CADPS: variants seen among roughly 807,000 people sequenced by gnomAD.
CADPS encodes the protein calcium dependent secretion activator, also known as calcium-dependent secretion activator 1.
In CADPS, 57 loss-of-function variants were observed where a neutral mutation model predicts 167.3. The ratio of observed to expected loss-of-function variants is 0.34; its 90% confidence interval spans 0.28 to 0.42. The LOEUF (loss-of-function observed/expected upper bound fraction) is 0.42. CADPS is among the 20% of genes least tolerant of loss of function. The probability of loss-of-function intolerance (pLI) is 1.00; values close to 1 mark genes in which losing one functional copy is unlikely to be tolerated. For synonymous variants in CADPS, 676 were observed against 635.3 expected (o/e 1.06, Z -0.96); for missense variants, 1,414 against 1,738.1 (o/e 0.81, Z 3.32).
intron 22 of CADPS, 141 bp downstream of exon 22, chr3:62,481,582 T>C: frequency 1.4e-6 from 1 of 724,480 alleles, no homozygotes; most frequent in Non-Finnish European, 2.2e-6. Context: ...AAATAAACAA[T>C]ATTGTCTCTG....
chr3:62,609,482 G>A (rs999628627), intron 6 of CADPS, among the ~76,000 whole-genome samples: 15 of 152,314 alleles, frequency 9.8e-5, no homozygotes, highest in Admixed American at 2.6e-4. Flanking sequence ...GGCATAGCCA[G>A]TGGGGAAATC....
At chr3:62,473,572 C>T (rs908175118) in intron 24 of CADPS, 2 of 152,170 alleles carry the variant, frequency 1.3e-5, no homozygotes, top group African/African-American at 2.4e-5. Flanking sequence ...CTGTTTCCTT[C>T]TCCTTTACAT....
Position 62,478,036 on chromosome 3 carries a change from C to A in CADPS, c.3329+225G>T. On this transcript the variant is annotated intron_variant, in intron 23 of 29. Transcript: ENST00000383710. This position sits in a 1 kb window ranked among gnomAD's most constrained non-coding sequence, Gnocchi z 5.7. ...GATCTTTTCCTCTTAAAGCCAACAACCATGAAAAAATTGGCAGCCAGATTA... is the reference window on the plus strand; with the variant it reads ...GATCTTTTCCTCTTAAAGCCAACAAACATGAAAAAATTGGCAGCCAGATTA... The A allele has an allele frequency of 3.9e-6, 2 of 507,852 alleles. No homozygotes were observed. Among genetic ancestry groups the A allele is most frequent in the South Asian group, 3.2e-5 (1 of 30,998 alleles). 31.5% of individuals were successfully genotyped at this position (507,852 alleles called of 1,614,324 possible).
At chr3:62,494,097 T>C in intron 18 of CADPS, among the ~76,000 whole-genome samples, 1 of 152,224 alleles carries the variant, frequency 6.6e-6, no homozygotes, top group South Asian at 2.1e-4. Context: ...TAGAATTTCC[T>C]GAGAAAGTTG....
At chr3:62,541,416 G>A (rs1282948864) in intron 11 of CADPS, among the ~76,000 whole-genome samples, 1 of 152,156 alleles carries the variant, frequency 6.6e-6, no homozygotes, top group Non-Finnish European at 1.5e-5. Flanking sequence ...ATAGGAGACT[G>A]ACTTCAAACT....
intron 20 of CADPS, 21 bp from the exon 21 acceptor site, chr3:62,491,501 C>A: frequency 6.2e-7 from 1 of 1,603,782 alleles, no homozygotes; most frequent in Admixed American, 1.7e-5. Context: ...TAAGCAAAAG[C>A]TTGTTAAGAA....
In CADPS at chr3:62,664,179, G is replaced by A. The variant is rs536323029; in HGVS notation, c.889-1785C>T. On this transcript the variant is annotated intron_variant, in intron 3 of 29. Coordinates refer to ENST00000383710, the MANE Select transcript of CADPS (RefSeq NM_003716.4). The stretch of plus-strand genomic sequence containing the variant: ...ATGCCATTGTGCCCAGCTAATTTTT[G>A]TATTTTTAGTAGAGATGGGGTTTCA... Among the ~76,000 whole-genome samples the A allele has an allele frequency of 2.6e-5, 4 of 152,206 alleles. No individual in the cohort carries two copies. The East Asian group carries it at 7.7e-4, about 29-fold the overall frequency.
chr3:62,545,416 G>A (rs1019454860), intron 11 of CADPS, among the ~76,000 whole-genome samples: 3 of 151,938 alleles, frequency 2.0e-5, no homozygotes, highest in Admixed American at 6.6e-5. Context: ...AAAAATCGGG[G>A]AATTGCAAGA....
intron 21 of CADPS, among the ~76,000 whole-genome samples, chr3:62,487,806 A>T (rs7635279): frequency 0.15 from 23,263 of 152,198 alleles, 2,111 homozygotes; most frequent in African/African-American, 0.24. Flanking sequence ...TTTCTTTTAC[A>T]GGGCCATATT....
At chr3:62,543,041 A>G (rs2075956528) in intron 11 of CADPS, among the ~76,000 whole-genome samples, 1 of 152,200 alleles carries the variant, frequency 6.6e-6, no homozygotes, top group Non-Finnish European at 1.5e-5. Flanking sequence ...AATATGTTAA[A>G]TATGTCTTAC....
In CADPS at chr3:62,639,754, C is replaced by T. The variant is rs745929244; in HGVS notation, c.1325+5968G>A. The stretch of plus-strand genomic sequence containing the variant: ...AATAAAGTTTAAACCCTTTGCGTGG[C>T]CCCTAAGACCTGTAAGTTGTCGGCC... On this transcript the variant is annotated intron_variant, in intron 6 of 29. Transcript: ENST00000383710. 3.9e-5 allele frequency among the ~76,000 whole-genome samples: 6 copies of T among 152,262 alleles called. No individual in the cohort carries two copies. In the South Asian group the frequency reaches 8.3e-4, roughly 21 times the overall value.
At chr3:62,702,336 C>G (rs947884300) in intron 3 of CADPS, among the ~76,000 whole-genome samples, 8 of 152,056 alleles carry the variant, frequency 5.3e-5, no homozygotes, top group Non-Finnish European at 8.8e-5. Flanking sequence ...AAAATGTGGC[C>G]TCTGCCTTCA....
chr3:62,722,063 T>C (rs1285250123), intron 3 of CADPS, among the ~76,000 whole-genome samples: 1 of 152,188 alleles, frequency 6.6e-6, no homozygotes, highest in East Asian at 1.9e-4. Flanking sequence ...CCTGATGGGG[T>C]TGGCACTGTC....
chr3:62,695,750 A>ATCCTTGACC (rs1173216497), intron 3 of CADPS, among the ~76,000 whole-genome samples: 1 of 151,936 alleles, frequency 6.6e-6, no homozygotes, highest in African/African-American at 2.4e-5. Context: ...GGCTCACCAC[A>ATCCTTGACC]TCCTTGACCT....
At chr3:62,821,523 G>T (rs2094918768) in intron 1 of CADPS, among the ~76,000 whole-genome samples, 2 of 152,120 alleles carry the variant, frequency 1.3e-5, no homozygotes, top group Non-Finnish European at 2.9e-5. Flanking sequence ...CACATCTCCA[G>T]TCTCTGCCTC....
intron 17 of CADPS, among the ~76,000 whole-genome samples, chr3:62,510,827 AAAAGGGAGGG>A (rs1333416783): frequency 6.6e-6 from 1 of 152,164 alleles, no homozygotes; most frequent in Non-Finnish European, 1.5e-5. Flanking sequence ...AAGAAAATTG[AAAAGGGAGGG>A]AAGGGGTAAG....
intron 6 of CADPS, among the ~76,000 whole-genome samples, chr3:62,606,883 A>G (rs1318521055): frequency 6.6e-6 from 1 of 152,226 alleles, no homozygotes; most frequent in Non-Finnish European, 1.5e-5. Context: ...CACAGTGAGA[A>G]TCGAAGGCCA....
Position 62,465,441 on chromosome 3 carries a change from T to C in CADPS, c.3562A>G (p.Ile1188Val), listed in dbSNP as rs772693397. The stretch of plus-strand genomic sequence containing the variant: ...AATTTTGCCAGCACTCCTTCCAAGA[T>C]AGTAACGAACTAGAAAAACAGCAAA... ...ITLLVAKFVT[I>V]LEGVLAKLSR... is the part of the protein sequence containing the mutation. The change falls in exon 26 of 30, where the codon ATC (isoleucine) becomes GTC (valine). Residue 1188 changes from isoleucine to valine, a missense_variant. By Grantham distance (29) the Ile-to-Val change is conservative. This residue lies in a region of CADPS where 185 missense variants were observed against 251.5 expected (regional missense o/e 0.74). Transcript: ENST00000383710. This position sits in a 1 kb window ranked among gnomAD's most constrained non-coding sequence, Gnocchi z 4.1. 3 of 1,604,560 alleles carry C rather than the reference T, an allele frequency of 1.9e-6. No individual in the cohort carries two copies. The highest frequency in any genetic ancestry group is 2.6e-6 in the Non-Finnish European group (3 of 1,175,984).
chr3:62,517,277 A>G (rs979390059), intron 14 of CADPS, among the ~76,000 whole-genome samples: 3 of 152,158 alleles, frequency 2.0e-5, no homozygotes, highest in African/African-American at 7.2e-5. Context: ...GGCCCGTCAG[A>G]ACACTGTGCA....
Sources: allele counts gnomAD v4.1 joint callset (sites outside exome capture counted in the v4.1 genomes callset), GRCh38; gene constraint gnomAD v4.1.1; regional missense constraint gnomAD v4.1.1; non-coding constraint Gnocchi (gnomAD v3.1); transcripts MANE v1.5; gene names NCBI Gene and HGNC (gene_info 2026-07-23, HGNC 2026-07-21).